Variants in SNX16 observed in about 807,000 individuals in gnomAD.
The protein encoded by SNX16 is sorting nexin 16.
SNX16 carries 35 observed loss-of-function variants against 36.7 expected under a neutral mutation model. The observed-to-expected ratio is 0.95, with a 90% CI of 0.73 to 1.27. SNX16 has a LOEUF of 1.27. SNX16 is among the 50% of genes most tolerant of loss of function. The pLI is 0.00. For synonymous variants in SNX16, 134 were observed against 132.0 expected (o/e 1.02, Z -0.10); for missense variants, 367 against 393.6 (o/e 0.93, Z 0.57).
At chr8:81,831,730 ACAAATAACCTCATTAAAAGTAGG>A (rs1383082485) in intron 2 of SNX16, among the ~76,000 whole-genome samples, 2 of 151,846 alleles carry the variant, frequency 1.3e-5, no homozygotes. Context: ...AAACAATTCA[ACAAATAACCTCATTAAAAGTAGG>A]CAAAAGACAT....
At chr8:81,821,078 A>G (rs1004516272) in intron 4 of SNX16, among the ~76,000 whole-genome samples, 9 of 150,416 alleles carry the variant, frequency 6.0e-5, no homozygotes, top group Non-Finnish European at 1.2e-4. Flanking sequence ...GCCTGATAAT[A>G]TATGACAAAG....
intron 4 of SNX16, among the ~76,000 whole-genome samples, chr8:81,817,189 T>C (rs1286243807): frequency 2.6e-5 from 4 of 152,230 alleles, no homozygotes; most frequent in Non-Finnish European, 5.9e-5. Flanking sequence ...TTTCAGTATA[T>C]GACAAATGTG....
At chr8:81,802,022 A>G (rs1809720574) in intron 7 of SNX16, among the ~76,000 whole-genome samples, 1 of 151,642 alleles carries the variant, frequency 6.6e-6, no homozygotes, top group South Asian at 2.1e-4. Flanking sequence ...CTATTATATT[A>G]TAGTAGCCTA....
chr8:81,800,513 T>C lies in SNX16; in HGVS notation c.*984A>G, dbSNP rs1809637033. 1 of 152,286 alleles carries C rather than the reference T, an allele frequency of 6.6e-6. No individual in the cohort carries two copies. Among genetic ancestry groups the C allele is most frequent in the African/African-American group, 2.4e-5 (1 of 41,434 alleles). The allele number at this position is 152,286 out of a possible 1,614,324, so 9.4% of individuals were successfully genotyped here. ...CAATTAAACTTGGCACAAAAGAGTT[T>C]AATTATCATAAAGTGCATCACTTGG... On this transcript the variant is annotated 3_prime_UTR_variant, in exon 8 of 8. Transcript: ENST00000345957.
intron 1 of SNX16, among the ~76,000 whole-genome samples, chr8:81,841,390 T>C (rs1384443141): frequency 1.3e-5 from 2 of 149,250 alleles, no homozygotes; most frequent in East Asian, 4.0e-4. Flanking sequence ...CTCGGCAACA[T>C]TTCCCCATTA....
chr8:81,824,018 A>G, intron 3 of SNX16, 78 bp from the exon 4 acceptor site: 2 of 1,261,546 alleles, frequency 1.6e-6, no homozygotes, highest in Admixed American at 5.1e-5. Flanking sequence ...TGTTGACTAC[A>G]TGAAATTATT....
chr8:81,822,582 G>A (rs1810795665), intron 4 of SNX16, among the ~76,000 whole-genome samples: 1 of 151,986 alleles, frequency 6.6e-6, no homozygotes, highest in South Asian at 2.1e-4. Flanking sequence ...GACTAGGGTA[G>A]TGATGGCAGG....
At chr8:81,804,362 T>C (rs1338105994) in intron 5 of SNX16, among the ~76,000 whole-genome samples, 1 of 151,988 alleles carries the variant, frequency 6.6e-6, no homozygotes, top group East Asian at 1.9e-4. Flanking sequence ...AAGACTTAGG[T>C]AAATCAAAAG....
chr8:81,808,211 GC>G (rs1810057046), intron 5 of SNX16: 3 of 1,324,678 alleles, frequency 2.3e-6, no homozygotes, highest in East Asian at 2.3e-5. Flanking sequence ...AAGAAAAGGG[GC>G]TTTGCCTTTG....
intron 3 of SNX16, among the ~76,000 whole-genome samples, chr8:81,825,459 T>G (rs1810968140): frequency 6.6e-6 from 1 of 152,154 alleles, no homozygotes. Context: ...AGATTAGGAT[T>G]TAATTAGTTG....
chr8:81,821,571 T>C (rs1810743636), intron 4 of SNX16, among the ~76,000 whole-genome samples: 1 of 152,112 alleles, frequency 6.6e-6, no homozygotes, highest in Non-Finnish European at 1.5e-5. Context: ...ATTCCTGCTT[T>C]GTGTGTCTGA....
intron 3 of SNX16, among the ~76,000 whole-genome samples, chr8:81,825,778 A>G (rs1269596553): frequency 2.6e-5 from 4 of 152,296 alleles, no homozygotes; most frequent in Non-Finnish European, 5.9e-5. Flanking sequence ...CATTCTGTCT[A>G]TATTTCTATA....
intron 4 of SNX16, among the ~76,000 whole-genome samples, chr8:81,817,793 TA>T (rs1409565889): frequency 6.6e-6 from 1 of 152,096 alleles, no homozygotes; most frequent in Non-Finnish European, 1.5e-5. Context: ...TTTTTCCCCC[TA>T]GGAAAGGAAA....
chr8:81,837,339 A>C (rs936904530), intron 2 of SNX16, among the ~76,000 whole-genome samples: 1 of 152,190 alleles, frequency 6.6e-6, no homozygotes, highest in Admixed American at 6.5e-5. Flanking sequence ...CAGTCTCTTG[A>C]AATGCTTTAC....
At chr8:81,839,351 A>G (rs1325465493) in intron 2 of SNX16, among the ~76,000 whole-genome samples, 2 of 152,306 alleles carry the variant, frequency 1.3e-5, no homozygotes, top group East Asian at 3.9e-4. Flanking sequence ...GAGAACCTAG[A>G]GCATTTAAGA....
chr8:81,831,599 G>A (rs564752400), intron 2 of SNX16, among the ~76,000 whole-genome samples: 1 of 151,070 alleles, frequency 6.6e-6, no homozygotes, highest in East Asian at 2.0e-4. Flanking sequence ...TCGGGAGGCT[G>A]AGATGGGAGA....
intron 5 of SNX16, among the ~76,000 whole-genome samples, chr8:81,812,332 C>A (rs140160864): frequency 3.6e-4 from 34 of 93,284 alleles, no homozygotes; most frequent in African/African-American, 1.4e-3. Flanking sequence ...CTCAATGAAG[C>A]CAAAGCATGA....
intron 5 of SNX16, chr8:81,808,045 A>C: frequency 1.1e-6 from 1 of 940,630 alleles, no homozygotes; most frequent in Non-Finnish European, 1.7e-6. Flanking sequence ...AGCTGTCTCA[A>C]GGGAAGATTC....
In SNX16 at chr8:81,840,147, T is replaced by C; in HGVS notation, c.-96-65A>G. 3 of 766,574 alleles carry C rather than the reference T, an allele frequency of 3.9e-6. No individual in the cohort carries two copies. In the South Asian group the frequency reaches 7.5e-5, roughly 19 times the overall value. The allele number at this position is 766,574 out of a possible 1,614,324, so 47.5% of individuals were successfully genotyped here. A position where few individuals can be genotyped will look rare whatever the true frequency, so the allele number is the denominator to read the frequency against. On this transcript the variant is annotated intron_variant, in intron 1 of 7. Transcript: ENST00000345957. ...TGTGCAGCAGGATTCAAAAGAAAAG[T>C]ATTCTTTTCAATTTTATGACACTAT...
Sources: allele counts gnomAD v4.1 joint callset (sites outside exome capture counted in the v4.1 genomes callset), GRCh38; gene constraint gnomAD v4.1.1; transcripts MANE v1.5; gene names NCBI Gene and HGNC (gene_info 2026-07-23, HGNC 2026-07-21).